NUSAP1: variants seen among roughly 807,000 people sequenced by gnomAD.
NUSAP1 encodes the protein nucleolar and spindle-associated protein 1.
NUSAP1 carries 32 observed loss-of-function variants against 52.8 expected under a neutral mutation model. The observed-to-expected ratio is 0.61, with a 90% CI of 0.46 to 0.81. NUSAP1 has a LOEUF of 0.81. NUSAP1 is among the 40% of genes least tolerant of loss of function. The pLI, the probability that NUSAP1 is intolerant of heterozygous loss-of-function variation, is 0.00. For synonymous variants in NUSAP1, 195 were observed against 183.1 expected (o/e 1.06, Z -0.52); for missense variants, 499 against 522.3 (o/e 0.96, Z 0.43).
At chr15:41,351,869 A>G (rs1484193186) in intron 4 of NUSAP1, 2 of 152,132 alleles carry the variant, frequency 1.3e-5, no homozygotes, top group Non-Finnish European at 2.9e-5. Context: ...AGGTCATATG[A>G]CAGGTACCAG....
rs1349144940 is a variant in NUSAP1, at chr15:41,332,961, A to T, written c.4A>T (p.Ile2Phe). The T allele has an allele frequency of 1.2e-6, 2 of 1,609,182 alleles. No homozygotes were observed. The highest frequency in any genetic ancestry group is 4.5e-5 in the East Asian group (2 of 44,738). The change falls in exon 1 of 11, where the codon ATC (isoleucine) becomes TTC (phenylalanine). Residue 2 changes from isoleucine (I) to phenylalanine (F), a missense_variant. By Grantham distance (21) the Ile-to-Phe change is conservative (BLOSUM62 0). Transcript: ENST00000559596. M[I>F]IPSLEELDSL... is the part of the protein sequence containing the mutation. ...ATCGCCGGGATTTCGAATCGCGATGATCATCCCCTCTCTAGAGGAGCTGGA... is the reference window on the plus strand; with the variant it reads ...ATCGCCGGGATTTCGAATCGCGATGTTCATCCCCTCTCTAGAGGAGCTGGA...
intron 7 of NUSAP1, among the ~76,000 whole-genome samples, chr15:41,366,143 C>T (rs1020834760): frequency 5.9e-5 from 9 of 152,088 alleles, no homozygotes; most frequent in Non-Finnish European, 7.4e-5. Flanking sequence ...TTGAAACCAC[C>T]ATGCGCAGCT....
intron 8 of NUSAP1, among the ~76,000 whole-genome samples, chr15:41,374,168 T>C (rs751283305): frequency 8.5e-5 from 13 of 152,224 alleles, no homozygotes; most frequent in Non-Finnish European, 1.3e-4. Context: ...TATTTCAGAC[T>C]ATTCATGTAG....
intron 8 of NUSAP1, 119 bp downstream of exon 8, chr15:41,371,803 T>C (rs2049708567): frequency 8.4e-7 from 1 of 1,183,624 alleles, no homozygotes; most frequent in East Asian, 2.7e-5. Flanking sequence ...GGAGTTTCGC[T>C]TTTGTCACCC....
intron 1 of NUSAP1, among the ~76,000 whole-genome samples, chr15:41,339,811 C>T (rs756164795): frequency 1.4e-4 from 21 of 151,838 alleles, no homozygotes; most frequent in African/African-American, 2.4e-4. Flanking sequence ...GACAGACTTT[C>T]GCTCTTGTCA....
intron 4 of NUSAP1, 39 bp from the exon 5 acceptor site, chr15:41,356,000 T>C: frequency 7.4e-7 from 1 of 1,360,498 alleles, no homozygotes; most frequent in Non-Finnish European, 1.0e-6. Context: ...ATGAGAACTT[T>C]TTTGAAATCC....
In NUSAP1 at chr15:41,375,805, CCCT is replaced by C; in HGVS notation, c.1102_1104del (p.Leu368del). 1 of 1,612,212 alleles carries C rather than the reference CCCT, an allele frequency of 6.2e-7. No individual in the cohort carries two copies. Among genetic ancestry groups the C allele is most frequent in the African/African-American group, 1.3e-5 (1 of 75,000 alleles). Reference sequence around the variant, plus strand: ...GATCTTAAAGCAAGTTTGTCTCGTCCCCTCAACTATGAACCACACAAAGGTATG... The same window carrying C: ...GATCTTAAAGCAAGTTTGTCTCGTCCCAACTATGAACCACACAAAGGTATG... On this transcript the variant is annotated inframe_deletion, in exon 9 of 11. Coordinates refer to ENST00000559596, the MANE Select transcript of NUSAP1 (RefSeq NM_016359.5).
Position 41,380,246 on chromosome 15 carries a change from T to C in NUSAP1, c.*60T>C. 1 of 1,294,098 alleles carries C rather than the reference T, an allele frequency of 7.7e-7. No homozygotes were observed. Among genetic ancestry groups the C allele is most frequent in the Middle Eastern group, 1.9e-4 (1 of 5,364 alleles). 80.2% of individuals were successfully genotyped at this position (1,294,098 alleles called of 1,614,324 possible). ...CTCAACTTTTTTCCTTTTGTAAATT[T>C]TTTTTTTTTGCTGTCATCCCCACTT... is the stretch of plus-strand genomic sequence containing the variant. On this transcript the variant is annotated 3_prime_UTR_variant, in exon 11 of 11. Transcript: ENST00000559596.
In NUSAP1 at chr15:41,350,418, G is replaced by A. The variant is rs143927461; in HGVS notation, c.307-570G>A. On this transcript the variant is annotated intron_variant, in intron 3 of 10. Coordinates refer to ENST00000559596, the MANE Select transcript of NUSAP1 (RefSeq NM_016359.5). ...CATGCTAATCATGCTTAAGAAGCCC[G>A]GGAAAAGAGTAACATTAAAAGAACT... 7.2e-3 allele frequency among the ~76,000 whole-genome samples: 1,099 copies of A among 152,002 alleles called. 19 individuals are homozygous for A. The highest frequency in any genetic ancestry group is 0.025 in the African/African-American group (1,018 of 41,494).
chr15:41,379,775 G>A (rs887627205), intron 10 of NUSAP1, among the ~76,000 whole-genome samples: 3 of 152,106 alleles, frequency 2.0e-5, no homozygotes, highest in Non-Finnish European at 4.4e-5. Context: ...TCGAACTCCT[G>A]ACCTCAAGTG....
chr15:41,377,165 T>C (rs1408379054), intron 9 of NUSAP1, 31 bp from the exon 10 acceptor site: 2 of 1,144,116 alleles, frequency 1.7e-6, no homozygotes, highest in Non-Finnish European at 2.5e-6. Context: ...AAACAATCTT[T>C]TTAAAATTCT....
chr15:41,337,168 A>G (rs1595521422), intron 1 of NUSAP1, among the ~76,000 whole-genome samples: 1 of 151,516 alleles, frequency 6.6e-6, no homozygotes, highest in African/African-American at 2.4e-5. Context: ...AGGCATGACC[A>G]CCCTGCCTGG....
At chr15:41,345,289 G>C (rs1220517207) in intron 2 of NUSAP1, among the ~76,000 whole-genome samples, 1 of 151,578 alleles carries the variant, frequency 6.6e-6, no homozygotes. Flanking sequence ...CGCTCTGCCA[G>C]TTTCTCCTCT....
intron 6 of NUSAP1, among the ~76,000 whole-genome samples, chr15:41,361,921 G>A (rs1226964755): frequency 1.3e-5 from 2 of 152,114 alleles, no homozygotes; most frequent in East Asian, 1.9e-4. Flanking sequence ...TTGGGGCTTG[G>A]TCATTTAGAT....
Position 41,379,779 on chromosome 15 carries a change from T to C in NUSAP1, c.1233-314T>C, listed in dbSNP as rs145218371. Among the ~76,000 whole-genome samples, 383 of 152,186 alleles carry C rather than the reference T, an allele frequency of 2.5e-3. 2 individuals carry two copies. The highest frequency in any genetic ancestry group is 6.4e-3 in the South Asian group (31 of 4,828). On this transcript the variant is annotated intron_variant, in intron 10 of 10. Coordinates refer to ENST00000559596, the MANE Select transcript of NUSAP1 (RefSeq NM_016359.5). ...CCAGGCTGGTCTCGAACTCCTGACC[T>C]CAAGTGATCTGCCTGCCTTGGCCTC...
intron 10 of NUSAP1, among the ~76,000 whole-genome samples, chr15:41,378,943 G>GTTTTTTTTTTTT (rs1453721233): frequency 6.4e-5 from 4 of 62,824 alleles, no homozygotes; most frequent in Admixed American, 1.8e-4. Context: ...AACTTATCTT[G>GTTTTTTTTTTTT]GTTTTTTTTT....
At chr15:41,372,944 C>T (rs950955839) in intron 8 of NUSAP1, among the ~76,000 whole-genome samples, 3 of 151,996 alleles carry the variant, frequency 2.0e-5, no homozygotes, top group Admixed American at 6.6e-5. Flanking sequence ...AAAAATTAGC[C>T]GGGCATGGTG....
chr15:41,367,767 C>T (rs2049479642), intron 7 of NUSAP1, among the ~76,000 whole-genome samples: 1 of 152,136 alleles, frequency 6.6e-6, no homozygotes, highest in Non-Finnish European at 1.5e-5. Context: ...AGTGTTTCTT[C>T]ACAACAGGAA....
chr15:41,337,365 T>C (rs971290613), intron 1 of NUSAP1, among the ~76,000 whole-genome samples: 10 of 152,170 alleles, frequency 6.6e-5, no homozygotes, highest in African/African-American at 2.4e-4. Flanking sequence ...CCACATACTC[T>C]GCTTCTTTGC....
Sources: allele counts gnomAD v4.1 joint callset (sites outside exome capture counted in the v4.1 genomes callset), GRCh38; gene constraint gnomAD v4.1.1; transcripts MANE v1.5; gene names NCBI Gene and HGNC (gene_info 2026-07-23, HGNC 2026-07-21).